Variants in CSMD1 observed in about 807,000 individuals in gnomAD.
The protein encoded by CSMD1 is CUB and sushi domain-containing protein 1.
CSMD1 carries 213 observed loss-of-function variants against 417.5 expected under a neutral mutation model. The observed-to-expected ratio is 0.51, with a 90% CI of 0.46 to 0.57. CSMD1 has a LOEUF of 0.57. Among genes scored for constraint, CSMD1 ranks in the 20% least tolerant of loss-of-function variants. The probability of loss-of-function intolerance (pLI) is 0.00; values close to 1 mark genes in which losing one functional copy is unlikely to be tolerated. For synonymous variants in CSMD1, 2,862 were observed against 1,736.8 expected (o/e 1.65, Z -16.11); for missense variants, 6,923 against 4,529.7 (o/e 1.53, Z -15.17).
intron 3 of CSMD1, among the ~76,000 whole-genome samples, chr8:4,217,969 G>A (rs1487393667): frequency 6.6e-6 from 1 of 152,216 alleles, no homozygotes; most frequent in Non-Finnish European, 1.5e-5. Context: ...TGCCATGGTA[G>A]TTGGTGGGAA....
At chr8:4,020,634 CTTCTT>C (rs1796742345) in intron 4 of CSMD1, among the ~76,000 whole-genome samples, 1 of 152,168 alleles carries the variant, frequency 6.6e-6, no homozygotes, top group Admixed American at 6.5e-5. Flanking sequence ...TAGAATCACT[CTTCTT>C]TATTTTTTCT....
intron 2 of CSMD1, among the ~76,000 whole-genome samples, chr8:4,520,584 C>A (rs1315900946): frequency 6.6e-6 from 1 of 152,064 alleles, no homozygotes; most frequent in Non-Finnish European, 1.5e-5. Context: ...GTGGTTATGT[C>A]CTGGGGGCGA....
At chr8:3,420,030 G>C (rs548358024) in intron 12 of CSMD1, among the ~76,000 whole-genome samples, 23 of 152,238 alleles carry the variant, frequency 1.5e-4, no homozygotes, top group African/African-American at 5.3e-4. Context: ...CCAATGCACA[G>C]TGCCTAAATA....
chr8:3,960,838 G>T (rs937082281), intron 5 of CSMD1, among the ~76,000 whole-genome samples: 1 of 151,840 alleles, frequency 6.6e-6, no homozygotes, highest in East Asian at 1.9e-4. Flanking sequence ...CCTTGCAATC[G>T]TAACATTGTC....
chr8:3,652,272 G>A (rs769642712), intron 7 of CSMD1, among the ~76,000 whole-genome samples: 8 of 150,668 alleles, frequency 5.3e-5, no homozygotes, highest in Admixed American at 1.3e-4. Context: ...CCATCAGTGC[G>A]CTTACCACCA....
Position 3,558,346 on chromosome 8 carries a change from G to A in CSMD1, c.1344+16599C>T, listed in dbSNP as rs201990207. Among the ~76,000 whole-genome samples the A allele has an allele frequency of 1.5e-3, 184 of 125,740 alleles. 3 individuals carry two copies. In the East Asian group the frequency reaches 0.034, roughly 24 times the overall value. The allele number at this position is 125,740 out of a possible 152,430, so 82.5% of individuals were successfully genotyped here. A position where few individuals can be genotyped will look rare whatever the true frequency, so the allele number is the denominator to read the frequency against. The stretch of plus-strand genomic sequence containing the variant: ...GAATGATGCCTCAGTAGTACCCCGT[G>A]TCCACTCCTCCAATGATGAATGGTG... On this transcript the variant is annotated intron_variant, in intron 10 of 69. Coordinates refer to ENST00000635120, the MANE Select transcript of CSMD1 (RefSeq NM_033225.6).
chr8:3,256,667 C>G (rs1012448677), intron 26 of CSMD1, among the ~76,000 whole-genome samples: 3 of 152,218 alleles, frequency 2.0e-5, no homozygotes, highest in South Asian at 2.1e-4. Flanking sequence ...ACCCACACTT[C>G]CAGAACTGGA....
At chr8:3,113,619 A>G (rs1783150620) in intron 42 of CSMD1, among the ~76,000 whole-genome samples, 1 of 152,200 alleles carries the variant, frequency 6.6e-6, no homozygotes, top group Admixed American at 6.5e-5. Context: ...GCCACTCTCT[A>G]TCATTGCCTC....
At chr8:4,764,904 C>CAACA (rs1554473698) in intron 1 of CSMD1, among the ~76,000 whole-genome samples, 19,203 of 121,838 alleles carry the variant, frequency 0.16, 2,056 homozygotes, top group East Asian at 0.28. Flanking sequence ...ACAACAACAA[C>CAACA]AAAAAAAAAC....
At chr8:4,538,858 C>A (rs1043036140) in intron 2 of CSMD1, among the ~76,000 whole-genome samples, 1 of 152,130 alleles carries the variant, frequency 6.6e-6, no homozygotes, top group Non-Finnish European at 1.5e-5. Context: ...AAACTGATTT[C>A]TCAAATGTAC....
chr8:4,814,030 T>G (rs1799062107), intron 1 of CSMD1, among the ~76,000 whole-genome samples: 1 of 152,238 alleles, frequency 6.6e-6, no homozygotes, highest in South Asian at 2.1e-4. Context: ...TCATCACATT[T>G]AAAGGAGAAA....
intron 68 of CSMD1, 68 bp downstream of exon 68, chr8:2,949,231 C>G (rs1308637574): frequency 3.9e-6 from 3 of 774,498 alleles, no homozygotes; most frequent in Non-Finnish European, 6.3e-6. Flanking sequence ...TTTTCCATTT[C>G]TTCTTAGAAA....
rs189753990 is a variant in CSMD1 at position 4,698,942 on chromosome 8, C to G, written c.86-61384G>C. ...CACACACACACACACACACACACACCAATTTCACCGTCGAACGAACACGTC... is the reference window on the plus strand; with the variant it reads ...CACACACACACACACACACACACACGAATTTCACCGTCGAACGAACACGTC... On this transcript the variant is annotated intron_variant, in intron 1 of 69. Coordinates refer to ENST00000635120, the MANE Select transcript of CSMD1 (RefSeq NM_033225.6). Among the ~76,000 whole-genome samples, 240 of 142,270 alleles carry G rather than the reference C, an allele frequency of 1.7e-3. 3 individuals carry two copies. The highest frequency in any genetic ancestry group is 6.2e-3 in the African/African-American group (233 of 37,478). The allele number at this position is 142,270 out of a possible 152,430, so 93.3% of individuals were successfully genotyped here. A position where few individuals can be genotyped will look rare whatever the true frequency, so the allele number is the denominator to read the frequency against.
chr8:4,372,075 G>A (rs953655837), intron 3 of CSMD1, among the ~76,000 whole-genome samples: 2 of 152,200 alleles, frequency 1.3e-5, no homozygotes, highest in East Asian at 1.9e-4. Context: ...AGGTGGCTGA[G>A]GTGGAAGAAA....
intron 1 of CSMD1, among the ~76,000 whole-genome samples, chr8:4,680,798 T>C (rs1370299117): frequency 2.0e-5 from 3 of 152,116 alleles, no homozygotes; most frequent in Non-Finnish European, 4.4e-5. Context: ...CAGGATGGTC[T>C]TGATCTCTTG....
At chr8:4,817,075 T>C (rs1563481187) in intron 1 of CSMD1, among the ~76,000 whole-genome samples, 1 of 152,232 alleles carries the variant, frequency 6.6e-6, no homozygotes, top group African/African-American at 2.4e-5. Context: ...CTAGACCATG[T>C]ATATACAACT....
At chr8:4,441,931 A>T (rs1353357852) in intron 2 of CSMD1, among the ~76,000 whole-genome samples, 1 of 152,232 alleles carries the variant, frequency 6.6e-6, no homozygotes, top group South Asian at 2.1e-4. Flanking sequence ...TCAGCTTCTT[A>T]CATAACCATT....
chr8:4,453,540 C>T (rs899635632), intron 2 of CSMD1, among the ~76,000 whole-genome samples: 3 of 152,146 alleles, frequency 2.0e-5, no homozygotes, highest in Admixed American at 6.5e-5. Context: ...AGAACACAGC[C>T]GACAGAATAA....
Position 3,997,908 on chromosome 8 carries a change from G to T in CSMD1, c.813C>A (p.Ser271=), listed in dbSNP as rs760399296. 2.5e-6 allele frequency: 4 copies of T among 1,611,588 alleles called. No individual in the cohort carries two copies. The highest frequency in any genetic ancestry group is 3.4e-6 in the Non-Finnish European group (4 of 1,178,804). Residue 271 remains serine (S), a synonymous_variant, in exon 5 of 70, where the codon TCC becomes TCA. Transcript: ENST00000635120. ...FLEISGTEAP[S]IWLTGMNLPS... ...CATCTCTTCCCGGGACTTACCATAT[G>T]GATGGAGCTTCCGTGCCACTGATCT...
Sources: allele counts gnomAD v4.1 joint callset (sites outside exome capture counted in the v4.1 genomes callset), GRCh38; gene constraint gnomAD v4.1.1; transcripts MANE v1.5; gene names NCBI Gene and HGNC (gene_info 2026-07-23, HGNC 2026-07-21).